DNAH8: variants seen among roughly 807,000 people sequenced by gnomAD.
DNAH8 encodes dynein axonemal heavy chain 8.
A neutral mutation model predicts 562.1 loss-of-function variants in DNAH8; 382 were observed. The ratio of observed to expected loss-of-function variants is 0.68; its 90% CI spans 0.63 to 0.74. The LOEUF (loss-of-function observed/expected upper bound fraction) is 0.74. DNAH8 is among the 30% of genes least tolerant of loss of function. The pLI is 0.00. For missense variants in DNAH8, 5,203 were observed against 5,620.4 expected (o/e 0.93, Z 2.37); for synonymous variants, 1,881 against 1,919.4 (o/e 0.98, Z 0.52).
chr6:38,735,839 A>G (rs1211477595), intron 5 of DNAH8, among the ~76,000 whole-genome samples: 1 of 152,018 alleles, frequency 6.6e-6, no homozygotes, highest in Non-Finnish European at 1.5e-5. Flanking sequence ...TCCTTTTGTC[A>G]GTTTAGACAT....
intron 11 of DNAH8, among the ~76,000 whole-genome samples, chr6:38,766,139 A>ATGTGTGTGTGTGTGCGTGTGTG (rs57039279): frequency 0.094 from 14,223 of 150,932 alleles, 1,244 homozygotes; most frequent in East Asian, 0.43. Context: ...ATGTGTTTGT[A>ATGTGTGTGTGTGTGCGTGTGTG]TGTGTGTGTG....
At chr6:38,760,179 A>C (rs1186864145) in intron 10 of DNAH8, among the ~76,000 whole-genome samples, 1 of 152,124 alleles carries the variant, frequency 6.6e-6, no homozygotes, top group African/African-American at 2.4e-5. Flanking sequence ...ATTCTTTCAG[A>C]GAGGTTTCAG....
chr6:38,937,849 A>G, intron 77 of DNAH8, 125 bp from the exon 78 acceptor site: 1 of 1,113,508 alleles, frequency 9.0e-7, no homozygotes, highest in Non-Finnish European at 1.3e-6. Flanking sequence ...CTGTACCAGT[A>G]GTCTTCCTGA....
chr6:38,772,763 A>G (rs1306799378), intron 12 of DNAH8, among the ~76,000 whole-genome samples: 1 of 151,908 alleles, frequency 6.6e-6, no homozygotes, highest in Non-Finnish European at 1.5e-5. Context: ...TGTCATATCT[A>G]AGGAAGTGTT....
chr6:38,848,944 T>C (rs1462874742), intron 37 of DNAH8, 143 bp downstream of exon 37: 2 of 711,568 alleles, frequency 2.8e-6, no homozygotes, highest in Non-Finnish European at 4.7e-6. Flanking sequence ...CCTGTTTTTG[T>C]AAATAAAGTT....
At chr6:38,867,989 G>C in intron 47 of DNAH8, 73 bp from the exon 48 acceptor site, 1 of 1,477,010 alleles carries the variant, frequency 6.8e-7, no homozygotes, top group Non-Finnish European at 9.2e-7. Context: ...CGACCTATAT[G>C]CATAGAGTGA....
rs142398494 is a variant in DNAH8, at chr6:38,946,703, G to A, written c.12129+1115G>A. Among the ~76,000 whole-genome samples, 217 of 152,180 alleles carry A rather than the reference G, an allele frequency of 1.4e-3. 3 individuals carry two copies. In the East Asian group the frequency reaches 0.037, roughly 26 times the overall value. On this transcript the variant is annotated intron_variant, in intron 80 of 92. Coordinates refer to ENST00000327475, the MANE Select transcript of DNAH8 (RefSeq NM_001206927.2). ...CGGGTGCCTGTAATCCCAGCTACTCGGGAGGCTGAGGCAGGAGAATCGCTT... is the reference window on the plus strand; with the variant it reads ...CGGGTGCCTGTAATCCCAGCTACTCAGGAGGCTGAGGCAGGAGAATCGCTT...
At chr6:38,838,642 G>A (rs201061738) in intron 33 of DNAH8, among the ~76,000 whole-genome samples, 13 of 147,460 alleles carry the variant, frequency 8.8e-5, no homozygotes, top group African/African-American at 1.8e-4. Context: ...CTCGTGATCC[G>A]CCTGCCTCGG....
At chr6:38,997,068 T>A (rs560685437) in intron 88 of DNAH8, among the ~76,000 whole-genome samples, 141 of 152,252 alleles carry the variant, frequency 9.3e-4, no homozygotes, top group African/African-American at 3.1e-3. Context: ...ATGGTCTGCC[T>A]TGGGGTCTCT....
At chr6:38,905,402 C>T (rs1163347244) in intron 62 of DNAH8, among the ~76,000 whole-genome samples, 1 of 152,184 alleles carries the variant, frequency 6.6e-6, no homozygotes, top group Non-Finnish European at 1.5e-5. Flanking sequence ...AATTTGTAGC[C>T]ATCTAACATT....
intron 77 of DNAH8, among the ~76,000 whole-genome samples, chr6:38,937,467 T>A (rs1167986001): frequency 6.6e-6 from 1 of 152,126 alleles, no homozygotes; most frequent in East Asian, 1.9e-4. Context: ...GGATTAGAGT[T>A]TTCTATAGCA....
At chr6:38,905,019 G>A (rs990299849) in intron 62 of DNAH8, among the ~76,000 whole-genome samples, 2 of 152,244 alleles carry the variant, frequency 1.3e-5, no homozygotes, top group African/African-American at 2.4e-5. Flanking sequence ...TATTGCAAAA[G>A]CAATACATCA....
At chr6:39,003,022 C>G (rs981672641) in intron 88 of DNAH8, among the ~76,000 whole-genome samples, 1 of 152,214 alleles carries the variant, frequency 6.6e-6, no homozygotes, top group African/African-American at 2.4e-5. Context: ...AGAGCATCTC[C>G]TCCATTCTTC....
chr6:38,764,336 C>G (rs1766795656), intron 11 of DNAH8: 1 of 153,380 alleles, frequency 6.5e-6, no homozygotes, highest in Non-Finnish European at 1.5e-5. Flanking sequence ...AAGCCATAGG[C>G]CCCTTTTCTG....
chr6:38,907,327 G>T (rs960426162), intron 63 of DNAH8, among the ~76,000 whole-genome samples: 9 of 151,498 alleles, frequency 5.9e-5, no homozygotes, highest in South Asian at 4.2e-4. Flanking sequence ...GAGTCCAGTG[G>T]TTTTTTTTTA....
At position 38,915,216 on chromosome 6, in the gene DNAH8, A is replaced by C. The variant is rs1403488318; in HGVS notation, c.9979A>C (p.Thr3327Pro). 3.1e-6 allele frequency: 5 copies of C among 1,600,896 alleles called. No homozygotes were observed. The highest frequency in any genetic ancestry group is 4.3e-6 in the Non-Finnish European group (5 of 1,175,774). The change falls in exon 68 of 93, where the codon ACA becomes CCA. Residue 3327 changes from threonine to proline, a missense_variant. This residue lies in a region of DNAH8 where 87 missense variants were observed against 144.9 expected (regional missense o/e 0.60). Coordinates refer to ENST00000327475, the MANE Select transcript of DNAH8 (RefSeq NM_001206927.2). ...IKADEVLAEV[T>P]VSAQASAKIK... ...AACTTAACAGGTATTAGCAGAAGTC[A>C]CAGTAAGCGCTCAGGCTTCAGCCAA...
At chr6:39,022,259 G>C (rs966005606) in intron 91 of DNAH8, among the ~76,000 whole-genome samples, 2 of 152,080 alleles carry the variant, frequency 1.3e-5, no homozygotes, top group Non-Finnish European at 2.9e-5. Flanking sequence ...GCAGGCTTTG[G>C]GTTGGCAAAC....
chr6:38,830,274 G>A (rs2150350888), intron 30 of DNAH8, among the ~76,000 whole-genome samples: 1 of 152,050 alleles, frequency 6.6e-6, no homozygotes, highest in East Asian at 1.9e-4. Flanking sequence ...GAACTTGATA[G>A]CTACAAATTT....
chr6:38,797,556 T>A, intron 21 of DNAH8, among the ~76,000 whole-genome samples: 1 of 152,182 alleles, frequency 6.6e-6, no homozygotes, highest in South Asian at 2.1e-4. Context: ...ATTGCCCGTT[T>A]GTTTGTGACC....
Sources: allele counts gnomAD v4.1 joint callset (sites outside exome capture counted in the v4.1 genomes callset), GRCh38; gene constraint gnomAD v4.1.1; regional missense constraint gnomAD v4.1.1; transcripts MANE v1.5; gene names NCBI Gene and HGNC (gene_info 2026-07-23, HGNC 2026-07-21).